The following RARB variants were observed in gnomAD, a reference collection of about 807,000 sequenced individuals.
RARB encodes the protein HBV-activated protein.
RARB carries 17 observed loss-of-function variants against 51.9 expected under a neutral mutation model. The observed-to-expected ratio is 0.33, with a 90% CI of 0.22 to 0.49. The LOEUF is 0.49. RARB is among the 20% of genes least tolerant of loss of function. RARB has a pLI of 0.99. For synonymous variants in RARB, 215 were observed against 195.4 expected (o/e 1.10, Z -0.84); for missense variants, 369 against 550.8 (o/e 0.67, Z 3.30).
intron 3 of RARB, among the ~76,000 whole-genome samples, chr3:25,534,630 T>C (rs1699063472): frequency 6.6e-6 from 1 of 152,258 alleles, no homozygotes; most frequent in Admixed American, 6.5e-5. Context: ...GGATACACTT[T>C]TGTGACACAG....
chr3:25,154,201 T>C (rs1469410034), intron 4 of RARB, among the ~76,000 whole-genome samples: 1 of 152,212 alleles, frequency 6.6e-6, no homozygotes, highest in Non-Finnish European at 1.5e-5. Context: ...CCGGTGCTAA[T>C]GGATATATCT....
chr3:25,437,876 T>A (rs1211486505), intron 1 of RARB, among the ~76,000 whole-genome samples: 1 of 152,232 alleles, frequency 6.6e-6, no homozygotes, highest in African/African-American at 2.4e-5. Context: ...TCCTTGGGGA[T>A]GGGTTTGATT....
intron 2 of RARB, among the ~76,000 whole-genome samples, chr3:25,059,866 A>G (rs540109500): frequency 1.4e-4 from 21 of 151,964 alleles, no homozygotes; most frequent in African/African-American, 4.8e-4. Flanking sequence ...GTAGCATCTT[A>G]GAATTCCTGT....
At chr3:25,313,065 G>T (rs761497558) in intron 5 of RARB, among the ~76,000 whole-genome samples, 6 of 152,304 alleles carry the variant, frequency 3.9e-5, no homozygotes, top group Non-Finnish European at 8.8e-5. Context: ...CCATGTTAAG[G>T]CTTCCATTTC....
At chr3:25,344,180 A>G (rs537500220) in intron 5 of RARB, among the ~76,000 whole-genome samples, 2 of 152,300 alleles carry the variant, frequency 1.3e-5, no homozygotes, top group South Asian at 2.1e-4. Flanking sequence ...CTTTCATGCA[A>G]TCTTATTTGA....
At chr3:25,152,088 A>T (rs2125341900) in intron 4 of RARB, among the ~76,000 whole-genome samples, 1 of 152,312 alleles carries the variant, frequency 6.6e-6, no homozygotes, top group Middle Eastern at 3.4e-3. Context: ...TTTACACTTG[A>T]GGCTTGGTAA....
chr3:25,238,157 C>CG (rs1336419945), intron 5 of RARB, among the ~76,000 whole-genome samples: 1 of 151,906 alleles, frequency 6.6e-6, no homozygotes, highest in African/African-American at 2.4e-5. Flanking sequence ...AGCGCCCCCC[C>CG]ACACATCCTT....
chr3:25,041,238 T>C (rs997205906), intron 2 of RARB, among the ~76,000 whole-genome samples: 3 of 152,212 alleles, frequency 2.0e-5, no homozygotes, highest in African/African-American at 7.2e-5. Context: ...CTTACCACCC[T>C]AAATTTCCTA....
At chr3:25,092,901 T>C (rs1699223829) in intron 3 of RARB, among the ~76,000 whole-genome samples, 1 of 152,162 alleles carries the variant, frequency 6.6e-6, no homozygotes. Flanking sequence ...GATGACTTAT[T>C]CTACAGCTAA....
chr3:25,208,461 C>T (rs780030795), intron 5 of RARB, among the ~76,000 whole-genome samples: 64 of 152,118 alleles, frequency 4.2e-4, no homozygotes, highest in African/African-American at 5.8e-4. Context: ...TCTAATTTTG[C>T]GTTTCTTTGC....
intron 5 of RARB, among the ~76,000 whole-genome samples, chr3:25,251,084 T>C (rs917958651): frequency 6.6e-6 from 1 of 152,152 alleles, no homozygotes; most frequent in African/African-American, 2.4e-5. Context: ...TTAGGTTCTT[T>C]TTTGTGGAGG....
chr3:25,551,979 A>ATAG (rs1196961425), intron 3 of RARB, among the ~76,000 whole-genome samples: 1 of 152,142 alleles, frequency 6.6e-6, no homozygotes, highest in Non-Finnish European at 1.5e-5. Flanking sequence ...ACCATGTTTC[A>ATAG]TAGTTCTTGC....
chr3:25,129,005 A>C (rs528317329), intron 3 of RARB, among the ~76,000 whole-genome samples: 1 of 152,244 alleles, frequency 6.6e-6, no homozygotes, highest in South Asian at 2.1e-4. Flanking sequence ...TAGAGTAAGA[A>C]GTTCCAATGT....
intron 3 of RARB, among the ~76,000 whole-genome samples, chr3:25,085,847 T>C (rs557733559): frequency 3.5e-4 from 54 of 152,158 alleles, no homozygotes; most frequent in Non-Finnish European, 6.0e-4. Flanking sequence ...TGCACTATTA[T>C]TGCAAGAATG....
chr3:25,054,555 G>A (rs1290306289), intron 2 of RARB, among the ~76,000 whole-genome samples: 1 of 152,188 alleles, frequency 6.6e-6, no homozygotes, highest in Non-Finnish European at 1.5e-5. Flanking sequence ...GGCACAGGAT[G>A]AGTGAAGTCA....
chr3:25,384,914 A>C (rs1413543575), intron 5 of RARB, among the ~76,000 whole-genome samples: 1 of 152,246 alleles, frequency 6.6e-6, no homozygotes, highest in Admixed American at 6.5e-5. Flanking sequence ...TAGCCAGCTA[A>C]TAATAAAAAT....
chr3:25,315,483 C>G (rs1415952174), intron 5 of RARB, among the ~76,000 whole-genome samples: 1 of 152,196 alleles, frequency 6.6e-6, no homozygotes, highest in Admixed American at 6.5e-5. Flanking sequence ...GACTTCCTAA[C>G]TTCCCTCTCA....
chr3:25,403,696 C>T (rs1478254291), intron 5 of RARB, among the ~76,000 whole-genome samples: 1 of 151,906 alleles, frequency 6.6e-6, no homozygotes, highest in African/African-American at 2.4e-5. Flanking sequence ...AACTGTATTA[C>T]CATCTTAATA....
chr3:24,972,901 C>A (rs947232679), intron 2 of RARB, among the ~76,000 whole-genome samples: 1 of 151,952 alleles, frequency 6.6e-6, no homozygotes, highest in African/African-American at 2.4e-5. Flanking sequence ...ATATAGTTTG[C>A]AAATATTTTC....
Sources: gnomAD v4.1 joint callset for allele counts (sites outside exome capture counted in the v4.1 genomes callset) on GRCh38, gnomAD v4.1.1 for gene constraint, MANE v1.5 for transcripts, NCBI Gene and HGNC (gene_info 2026-07-23, HGNC 2026-07-21) for gene names.